Variants in RBM33 observed in about 807,000 individuals in gnomAD.
RBM33 encodes RNA binding motif protein 33.
RBM33 carries 28 observed loss-of-function variants against 132.6 expected under a neutral mutation model. The ratio of observed to expected loss-of-function variants is 0.21; its 90% confidence interval spans 0.16 to 0.29. RBM33 has a LOEUF of 0.29. Among genes scored for constraint, RBM33 ranks in the 10% least tolerant of loss-of-function variants. The probability of loss-of-function intolerance (pLI) is 1.00; values close to 1 mark genes in which losing one functional copy is unlikely to be tolerated. For synonymous variants in RBM33, 634 were observed against 593.0 expected, an observed-to-expected ratio of 1.07 and a Z score of -1.01; for missense variants, 1,291 against 1,518.5, an observed-to-expected ratio of 0.85 and a Z score of 2.49.
At chr7:155,703,945 TA>T (rs1393248606) in intron 6 of RBM33, among the ~76,000 whole-genome samples, 1 of 152,172 alleles carries the variant, frequency 6.6e-6, no homozygotes, top group Non-Finnish European at 1.5e-5. Flanking sequence ...ATATGAGGTG[TA>T]CTTTTTTTTT....
chr7:155,749,406 A>G (rs1359492202), intron 14 of RBM33, among the ~76,000 whole-genome samples: 2 of 152,182 alleles, frequency 1.3e-5, no homozygotes, highest in Non-Finnish European at 1.5e-5. Context: ...CCGCACACCT[A>G]CTAGGTGGTA....
chr7:155,667,108 A>G (rs748592149), intron 2 of RBM33, among the ~76,000 whole-genome samples: 138 of 152,286 alleles, frequency 9.1e-4, no homozygotes, highest in Middle Eastern at 3.4e-3. Flanking sequence ...ACCATTTGAC[A>G]GTAGGTTGCA....
intron 6 of RBM33, among the ~76,000 whole-genome samples, chr7:155,703,827 C>T (rs1019350732): frequency 3.9e-5 from 6 of 152,110 alleles, no homozygotes; most frequent in South Asian, 2.1e-4. Context: ...ATAAAAAAAC[C>T]TGAACAGTCT....
At chr7:155,741,782 C>A in intron 12 of RBM33, 37 bp from the exon 13 acceptor site, 1 of 1,570,272 alleles carries the variant, frequency 6.4e-7, no homozygotes, top group South Asian at 1.1e-5. Flanking sequence ...TGCCAAGTTT[C>A]CACTTACAAT....
At chr7:155,685,961 G>A (rs1799466016) in intron 5 of RBM33, among the ~76,000 whole-genome samples, 1 of 152,108 alleles carries the variant, frequency 6.6e-6, no homozygotes. Context: ...TACTATGACA[G>A]TCTATGAATG....
intron 14 of RBM33, among the ~76,000 whole-genome samples, chr7:155,747,312 G>A (rs924412000): frequency 1.3e-5 from 2 of 152,160 alleles, no homozygotes; most frequent in African/African-American, 4.8e-5. Context: ...TAAGTGTACT[G>A]TGTTAATCAG....
At chr7:155,694,057 A>G in intron 5 of RBM33, among the ~76,000 whole-genome samples, 1 of 152,162 alleles carries the variant, frequency 6.6e-6, no homozygotes, top group East Asian at 1.9e-4. Context: ...TTTGGTCTGC[A>G]TTGCTTAAGA....
chr7:155,755,817 A>C (rs1196209812), intron 14 of RBM33, among the ~76,000 whole-genome samples: 2 of 143,680 alleles, frequency 1.4e-5, no homozygotes, highest in Non-Finnish European at 3.0e-5. Context: ...TGGGGGCTAC[A>C]GACCTCTTTT....
intron 14 of RBM33, among the ~76,000 whole-genome samples, chr7:155,760,619 T>G (rs752312430): frequency 2.2e-4 from 33 of 152,232 alleles, no homozygotes; most frequent in Admixed American, 1.3e-4. Context: ...AATAGGATTT[T>G]GGATAAATTA....
intron 9 of RBM33, among the ~76,000 whole-genome samples, 178 bp from the exon 10 acceptor site, chr7:155,737,350 ACT>A (rs987998743): frequency 4.2e-5 from 4 of 94,706 alleles, no homozygotes; most frequent in Non-Finnish European, 7.8e-5. Flanking sequence ...AGGATGCATG[ACT>A]CTGTGTGTGT....
chr7:155,716,494 G>T (rs774280627), intron 8 of RBM33, among the ~76,000 whole-genome samples: 1 of 151,808 alleles, frequency 6.6e-6, no homozygotes, highest in Non-Finnish European at 1.5e-5. Flanking sequence ...TCCTTTTATC[G>T]TGTTGGAATG....
chr7:155,710,324 G>C (rs965647555), intron 7 of RBM33, among the ~76,000 whole-genome samples: 6 of 152,174 alleles, frequency 3.9e-5, no homozygotes, highest in Non-Finnish European at 8.8e-5. Flanking sequence ...ACTTGATCTT[G>C]TAAAAGGAGG....
intron 6 of RBM33, among the ~76,000 whole-genome samples, chr7:155,704,291 T>A (rs1288822469): frequency 1.3e-5 from 2 of 152,212 alleles, no homozygotes; most frequent in Non-Finnish European, 2.9e-5. Flanking sequence ...TCTATCAGGA[T>A]TGTGGAAATT....
At chr7:155,673,403 TGTGTGTGTGTG>T (rs1428335998) in intron 3 of RBM33, among the ~76,000 whole-genome samples, 1 of 3,540 alleles carries the variant, frequency 2.8e-4, no homozygotes, top group African/African-American at 9.5e-4. Flanking sequence ...TTATATATAT[TGTGTGTGTGTG>T]TGTGTGTGTG....
At chr7:155,671,955 A>G (rs1332263791) in intron 2 of RBM33, among the ~76,000 whole-genome samples, 1 of 152,182 alleles carries the variant, frequency 6.6e-6, no homozygotes. Flanking sequence ...TAGTTGTAAA[A>G]ATAGGGAGAA....
chr7:155,728,621 T>C (rs1404060523), intron 9 of RBM33, among the ~76,000 whole-genome samples: 1 of 152,248 alleles, frequency 6.6e-6, no homozygotes, highest in African/African-American at 2.4e-5. Flanking sequence ...TATTAAAGCC[T>C]GCCATGAAAT....
At chr7:155,662,390 C>G (rs1010886157) in intron 1 of RBM33, among the ~76,000 whole-genome samples, 2 of 152,172 alleles carry the variant, frequency 1.3e-5, no homozygotes, top group African/African-American at 2.4e-5. Context: ...GCTGCTTTTA[C>G]CACTCTCTTC....
intron 9 of RBM33, among the ~76,000 whole-genome samples, chr7:155,722,413 G>A (rs1276246795): frequency 6.6e-6 from 1 of 152,164 alleles, no homozygotes; most frequent in Non-Finnish European, 1.5e-5. Flanking sequence ...GTAGTGGTGT[G>A]GAAGGCTAGT....
intron 2 of RBM33, among the ~76,000 whole-genome samples, chr7:155,666,548 A>AACG (rs1241936356): frequency 6.6e-6 from 1 of 152,208 alleles, no homozygotes; most frequent in African/African-American, 2.4e-5. Context: ...AGTGCTTAAA[A>AACG]ACGATGTCTT....
Sources: gnomAD v4.1 joint callset for allele counts (sites outside exome capture counted in the v4.1 genomes callset) on GRCh38, gnomAD v4.1.1 for gene constraint, MANE v1.5 for transcripts, NCBI Gene and HGNC (gene_info 2026-07-23, HGNC 2026-07-21) for gene names.